Variants in GTF2F1 observed in about 807,000 individuals in gnomAD.
GTF2F1 encodes general transcription factor IIF 74 kDa subunit.
A neutral mutation model predicts 63.5 loss-of-function variants in GTF2F1; 39 were observed. The ratio of observed to expected loss-of-function variants is 0.61; its 90% confidence interval spans 0.48 to 0.80. The LOEUF (loss-of-function observed/expected upper bound fraction) is 0.80, where lower values mean the gene tolerates loss of function less well. Ranked by LOEUF, GTF2F1 falls within the 30% of genes least tolerant of loss-of-function variation. GTF2F1 has a pLI of 0.00. For synonymous variants in GTF2F1, 287 were observed against 285.3 expected (o/e 1.01, Z -0.06); for missense variants, 657 against 718.3 (o/e 0.91, Z 0.97).
Position 6,380,186 on chromosome 19 carries a change from A to C in GTF2F1, c.*95T>G. On this transcript the variant is annotated 3_prime_UTR_variant, in exon 13 of 13. Transcript: ENST00000394456. The surrounding 1 kb of genome is among the most constrained non-coding windows in gnomAD (Gnocchi z 5.3). ...CTGAGAGCCTGAAGTTCTGGAGGGCAGAGCCATGTATTGGACAGAGCCTCA... is the reference window on the plus strand; with the variant it reads ...CTGAGAGCCTGAAGTTCTGGAGGGCCGAGCCATGTATTGGACAGAGCCTCA... The C allele has an allele frequency of 9.5e-7, 1 of 1,050,664 alleles. No homozygotes were observed. Among genetic ancestry groups the C allele is most frequent in the South Asian group, 1.3e-5 (1 of 78,684 alleles). 65.1% of individuals were successfully genotyped at this position (1,050,664 alleles called of 1,614,324 possible). A position where few individuals can be genotyped will look rare whatever the true frequency, so the allele number is the denominator to read the frequency against.
At chr19:6,387,346 A>C in intron 5 of GTF2F1, 43 bp downstream of exon 5, 10 of 1,591,188 alleles carry the variant, frequency 6.3e-6, no homozygotes, top group Non-Finnish European at 8.6e-6. Flanking sequence ...AAGGCACCCC[A>C]TTTCCCTCAC....
Position 6,389,505 on chromosome 19 carries a change from T to C in GTF2F1, c.265A>G (p.Lys89Glu), listed in dbSNP as rs763949468. Reference sequence around the variant, plus strand: ...GGCTGGTCCTCGGGCCGGAACTCCTTGAGGACGATGCCGTACTTCTTCCTC... The same window carrying C: ...GGCTGGTCCTCGGGCCGGAACTCCTCGAGGACGATGCCGTACTTCTTCCTC... ...ARRKKYGIVL[K>E]EFRPEDQPWL... Residue 89 changes from lysine to glutamate, a missense_variant, in exon 4 of 13, where the codon AAG becomes GAG. Transcript: ENST00000394456. 1.2e-6 allele frequency: 2 copies of C among 1,614,090 alleles called. No homozygotes were observed. Among genetic ancestry groups the C allele is most frequent in the African/African-American group, 1.3e-5 (1 of 74,942 alleles).
In GTF2F1 at chr19:6,393,129, G is replaced by T. The variant is rs1296909947; in HGVS notation, c.-134C>A. 1.2e-5 allele frequency: 14 copies of T among 1,123,538 alleles called. No homozygotes were observed. The Admixed American group carries it at 3.1e-4, about 25-fold the overall frequency. 69.6% of individuals were successfully genotyped at this position (1,123,538 alleles called of 1,614,324 possible). A position where few individuals can be genotyped will look rare whatever the true frequency, so the allele number is the denominator to read the frequency against. The stretch of plus-strand genomic sequence containing the variant: ...TGCCTGAGCGAGGACCCCAACCCTA[G>T]GCGCCTCTGGCGCTGGGAAAAGGTA... On this transcript the variant is annotated 5_prime_UTR_variant, in exon 1 of 13. Transcript: ENST00000394456.
rs1328440841 is a variant in GTF2F1, at chr19:6,381,864, A to G, written c.683-14T>C. The stretch of plus-strand genomic sequence containing the variant: ...GGACTCTGCCCCCTGGGAAGGGAGG[A>G]AAGGAAGGAAAGGAGGGAAAGTGAG... On this transcript the variant is annotated splice_polypyrimidine_tract_variant and intron_variant, in intron 6 of 12. Coordinates refer to ENST00000394456, the MANE Select transcript of GTF2F1 (RefSeq NM_002096.3). The surrounding 1 kb of genome is among the most constrained non-coding windows in gnomAD (Gnocchi z 4.1). 2 of 1,599,162 alleles carry G rather than the reference A, an allele frequency of 1.3e-6. No homozygotes were observed. The highest frequency in any genetic ancestry group is 1.7e-6 in the Non-Finnish European group (2 of 1,170,674).
rs2091954092 is a variant in GTF2F1, at chr19:6,381,967, G to A, written c.683-117C>T. The A allele has an allele frequency of 2.4e-6, 2 of 835,294 alleles. No homozygotes were observed. Among genetic ancestry groups the A allele is most frequent in the Non-Finnish European group, 3.7e-6 (2 of 536,870 alleles). The allele number at this position is 835,294 out of a possible 1,614,324, so 51.7% of individuals were successfully genotyped here. On this transcript the variant is annotated intron_variant, in intron 6 of 12. Transcript: ENST00000394456. The surrounding 1 kb of genome is among the most constrained non-coding windows in gnomAD (Gnocchi z 4.1). ...ATCCTGGGGGGCCTCACTGACTGGG[G>A]AGACTACACCTCCAGGGCCAGCCCA...
intron 4 of GTF2F1, 47 bp from the exon 5 acceptor site, chr19:6,387,606 G>GTGTAA: frequency 6.8e-7 from 1 of 1,480,826 alleles, no homozygotes; most frequent in Non-Finnish European, 9.4e-7. Flanking sequence ...ACCAGCCCCA[G>GTGTAA]CCCCCCCGTG....
chr19:6,389,993 C>T (rs965456585), intron 3 of GTF2F1, among the ~76,000 whole-genome samples: 1 of 152,186 alleles, frequency 6.6e-6, no homozygotes, highest in Non-Finnish European at 1.5e-5. Flanking sequence ...GCATCTGGTT[C>T]CAGGATTCTT....
chr19:6,386,401 CAA>C (rs546438746), intron 5 of GTF2F1, among the ~76,000 whole-genome samples: 10 of 119,292 alleles, frequency 8.4e-5, no homozygotes, highest in East Asian at 1.0e-3. Context: ...AAAAAACACA[CAA>C]ACAAACAAAC....
At position 6,380,210 on chromosome 19, in the gene GTF2F1, C is replaced by G; in HGVS notation, c.*71G>C. ...CAGAGCCATGTATTGGACAGAGCCT[C>G]ACTCTAGGATGGCGAAGGGGCAGTG... On this transcript the variant is annotated 3_prime_UTR_variant, in exon 13 of 13. Coordinates refer to ENST00000394456, the MANE Select transcript of GTF2F1 (RefSeq NM_002096.3). This position sits in a 1 kb window ranked among gnomAD's most constrained non-coding sequence, Gnocchi z 5.3. 7.9e-7 allele frequency: 1 copy of G among 1,271,682 alleles called. No homozygotes were observed. 78.8% of individuals were successfully genotyped at this position (1,271,682 alleles called of 1,614,324 possible).
Position 6,387,460 on chromosome 19 carries a change from G to C in GTF2F1, c.426C>G (p.Asn142Lys), listed in dbSNP as rs1189632200. ...GGGCCAGCGGTGTGAAATTGTACCA[G>C]TTGTGCACGGGGAAGGCCTCGAAGG... Reference protein sequence around the residue: ...DGAFEAFPVHNWYNFTPLARH... With the variant: ...DGAFEAFPVHKWYNFTPLARH... The change falls in exon 5 of 13, where the codon AAC (asparagine) becomes AAG (lysine). Residue 142 changes from asparagine (N) to lysine (K), a missense_variant. By Grantham distance (94) the Asn-to-Lys change is moderately conservative. Transcript: ENST00000394456. 6.2e-7 allele frequency: 1 copy of C among 1,614,124 alleles called. No homozygotes were observed. The highest frequency in any genetic ancestry group is 1.3e-5 in the African/African-American group (1 of 74,942).
chr19:6,386,561 C>G (rs1429322071), intron 5 of GTF2F1, among the ~76,000 whole-genome samples: 2 of 150,378 alleles, frequency 1.3e-5, no homozygotes, highest in East Asian at 3.9e-4. Flanking sequence ...TCTCCTGCCT[C>G]AGCCTCCCGA....
intron 2 of GTF2F1, 32 bp downstream of exon 2, chr19:6,392,825 G>A (rs1419096316): frequency 6.2e-7 from 1 of 1,600,170 alleles, no homozygotes; most frequent in Non-Finnish European, 8.6e-7. Context: ...TTGGGGGGTG[G>A]AGAGGAGTGG....
At chr19:6,392,944 C>T (rs2145086243) in intron 1 of GTF2F1, 40 bp downstream of exon 1, 3 of 1,614,080 alleles carry the variant, frequency 1.9e-6, no homozygotes, top group East Asian at 2.2e-5. Flanking sequence ...TCGCCGAGGT[C>T]GCCGTCGGAA....
intron 5 of GTF2F1, chr19:6,386,691 C>T (rs1447178166): frequency 6.6e-6 from 1 of 152,266 alleles, no homozygotes; most frequent in Non-Finnish European, 1.5e-5. Flanking sequence ...GATCCGCCTG[C>T]CTTGGCCTCC....
At position 6,380,882 on chromosome 19, in the gene GTF2F1, C is replaced by T. The variant is rs777452377; in HGVS notation, c.1231+22G>A. On this transcript the variant is annotated intron_variant, in intron 11 of 12. Coordinates refer to ENST00000394456, the MANE Select transcript of GTF2F1 (RefSeq NM_002096.3). The surrounding 1 kb of genome is among the most constrained non-coding windows in gnomAD (Gnocchi z 5.3). Reference sequence around the variant, plus strand: ...AGGCTGTGGCTGTGGCTGTGGGGAGCGGGGAGGCCACGGGCACTCACCTTG... The same window carrying T: ...AGGCTGTGGCTGTGGCTGTGGGGAGTGGGGAGGCCACGGGCACTCACCTTG... 1.1e-5 allele frequency: 17 copies of T among 1,532,244 alleles called. No homozygotes were observed. Among genetic ancestry groups the T allele is most frequent in the Middle Eastern group, 2.3e-4 (1 of 4,290 alleles). 94.9% of individuals were successfully genotyped at this position (1,532,244 alleles called of 1,614,324 possible).
chr19:6,381,565 T>A lies in GTF2F1; in HGVS notation c.887A>T (p.Glu296Val), dbSNP rs1258528669. The A allele has an allele frequency of 6.2e-7, 1 of 1,613,320 alleles. No homozygotes were observed. The highest frequency in any genetic ancestry group is 8.5e-7 in the Non-Finnish European group (1 of 1,179,984). The change falls in exon 8 of 13, where the codon GAG becomes GTG. Residue 296 changes from glutamate (E) to valine (V), a missense_variant. Glu to Val is a moderately radical substitution (Grantham distance 121). Around this residue, in one of 2 missense-constraint regions of GTF2F1, gnomAD observed 602 missense variants for 625.6 expected, o/e 0.96. Coordinates refer to ENST00000394456, the MANE Select transcript of GTF2F1 (RefSeq NM_002096.3). The surrounding 1 kb of genome is among the most constrained non-coding windows in gnomAD (Gnocchi z 4.1). ...ESKAKAPQQE[E>V]GPKGVDEQSD... is the part of the protein sequence containing the mutation. ...CAGCCATCGCCTACCCTTGGGCCCC[T>A]CCTCCTGCTGCGGCGCCTTGGCCTT...
chr19:6,381,669 T>C lies in GTF2F1; in HGVS notation c.836+28A>G. 6.2e-7 allele frequency: 1 copy of C among 1,613,988 alleles called. No individual in the cohort carries two copies. Among genetic ancestry groups the C allele is most frequent in the Non-Finnish European group, 8.5e-7 (1 of 1,179,994 alleles). ...CGCGCGCTCGCGAGGCTGCATGGGG[T>C]CTCGCAGGCGCCTCCCGTCGGCCTC... On this transcript the variant is annotated intron_variant, in intron 7 of 12. Transcript: ENST00000394456. This position sits in a 1 kb window ranked among gnomAD's most constrained non-coding sequence, Gnocchi z 4.1.
Position 6,381,489 on chromosome 19 carries a change from C to G in GTF2F1, c.899-11G>C. The G allele has an allele frequency of 6.2e-7, 1 of 1,607,786 alleles. No homozygotes were observed. Reference sequence around the variant, plus strand: ...TCTGCTCATCGACACCTGGGAGGGGCAGGGTATGAGCAAGAGCAGGGAAGC... The same window carrying G: ...TCTGCTCATCGACACCTGGGAGGGGGAGGGTATGAGCAAGAGCAGGGAAGC... On this transcript the variant is annotated splice_polypyrimidine_tract_variant and intron_variant, in intron 8 of 12. Transcript: ENST00000394456. This position sits in a 1 kb window ranked among gnomAD's most constrained non-coding sequence, Gnocchi z 4.1.
chr19:6,393,156 C>A lies in GTF2F1; in HGVS notation c.-161G>T. The A allele has an allele frequency of 2.4e-6, 2 of 850,216 alleles. No individual in the cohort carries two copies. The allele number at this position is 850,216 out of a possible 1,614,324, so 52.7% of individuals were successfully genotyped here. On this transcript the variant is annotated 5_prime_UTR_variant, in exon 1 of 13. Coordinates refer to ENST00000394456, the MANE Select transcript of GTF2F1 (RefSeq NM_002096.3). ...CGCCTCTGGCGCTGGGAAAAGGTAA[C>A]CGGAAGAGGCGCTCAAGCTACTCGG...
Sources: gnomAD v4.1 joint callset for allele counts (sites outside exome capture counted in the v4.1 genomes callset) on GRCh38, gnomAD v4.1.1 for gene constraint, gnomAD v4.1.1 regional missense constraint, Gnocchi (gnomAD v3.1) non-coding constraint, MANE v1.5 for transcripts, NCBI Gene and HGNC (gene_info 2026-07-23, HGNC 2026-07-21) for gene names.